The following UBE2E2 variants were observed in gnomAD, a reference collection of about 807,000 sequenced individuals.
UBE2E2 encodes ubiquitin conjugating enzyme E2 E2.
A neutral mutation model predicts 24.7 loss-of-function variants in UBE2E2; 6 were observed. The observed-to-expected ratio is 0.24, with a 90% CI of 0.13 to 0.48. UBE2E2 has a LOEUF of 0.48. UBE2E2 is among the 20% of genes least tolerant of loss of function. The pLI is 0.99. For missense variants in UBE2E2, 169 were observed against 245.0 expected (o/e 0.69, Z 2.07); for synonymous variants, 104 against 83.6 (o/e 1.24, Z -1.33).
At position 23,546,460 on chromosome 3, in the gene UBE2E2, ATTTTTTTTTTTTTT is replaced by A. The variant is rs899923576; in HGVS notation, c.508+13775_508+13788del. ...AATTTCTGAAGTCAAGAACATTTAG[ATTTTTTTTTTTTTT>A]TTTTTTTTTTTTTTTGGATTCGGAG... On this transcript the variant is annotated intron_variant, in intron 5 of 5. Transcript: ENST00000396703. 7.8e-5 allele frequency among the ~76,000 whole-genome samples: 6 copies of A among 76,898 alleles called. No homozygotes were observed. In the South Asian group the frequency reaches 2.2e-3, roughly 28 times the overall value. 50.4% of individuals were successfully genotyped at this position (76,898 alleles called of 152,430 possible).
intron 4 of UBE2E2, among the ~76,000 whole-genome samples, chr3:23,499,990 G>A (rs941358086): frequency 6.6e-6 from 1 of 150,906 alleles, no homozygotes; most frequent in Non-Finnish European, 1.5e-5. Context: ...TTTGTTATAT[G>A]TTTTAATGTA....
At position 23,589,316 on chromosome 3, in the gene UBE2E2, A is replaced by C. The variant is rs558610045; in HGVS notation, c.509-418A>C. Among the ~76,000 whole-genome samples the C allele has an allele frequency of 3.2e-4, 49 of 152,020 alleles. No individual in the cohort carries two copies. The highest frequency in any genetic ancestry group is 1.1e-3 in the African/African-American group (45 of 41,476). ...ACACCTGTGGTCCCAGCTACTCAGG[A>C]GGCTGAGGCAGGAGGAGGATTGCTT... On this transcript the variant is annotated intron_variant, in intron 5 of 5. Transcript: ENST00000396703. The surrounding 1 kb of genome is among the most constrained non-coding windows in gnomAD (Gnocchi z 4.1).
chr3:23,559,176 G>A (rs1410762139), intron 5 of UBE2E2, among the ~76,000 whole-genome samples: 2 of 152,118 alleles, frequency 1.3e-5, no homozygotes, highest in Admixed American at 1.3e-4. Context: ...TATCCCTAGA[G>A]AAATAATTCC....
intron 3 of UBE2E2, among the ~76,000 whole-genome samples, chr3:23,328,744 C>T (rs1025255539): frequency 6.6e-5 from 10 of 151,988 alleles, no homozygotes; most frequent in African/African-American, 2.2e-4. Context: ...TCATTGCAAC[C>T]TCTGCCTCCT....
rs1559445377 is a variant in UBE2E2, at chr3:23,223,027, T to TCCC, written c.227+5715_227+5716insCCC. Among the ~76,000 whole-genome samples, 291 of 40,252 alleles carry TCCC rather than the reference T, an allele frequency of 7.2e-3. 7 individuals carry two copies. The highest frequency in any genetic ancestry group is 0.018 in the African/African-American group (281 of 15,828). The allele number at this position is 40,252 out of a possible 152,430, so 26.4% of individuals were successfully genotyped here. A position where few individuals can be genotyped will look rare whatever the true frequency, so the allele number is the denominator to read the frequency against. ...TTTACATCTTTTGCCCCCCCCCCCT[T>TCCC]TTTTTTTTTTTTTGAGTTGTCTCTC... On this transcript the variant is annotated intron_variant, in intron 3 of 5. Transcript: ENST00000396703.
At chr3:23,279,249 T>TA (rs1698436211) in intron 3 of UBE2E2, among the ~76,000 whole-genome samples, 1 of 151,958 alleles carries the variant, frequency 6.6e-6, no homozygotes, top group South Asian at 2.1e-4. Flanking sequence ...TTCAGTATGT[T>TA]AAAAAATGAA....
At chr3:23,425,461 A>T (rs1350344865) in intron 3 of UBE2E2, among the ~76,000 whole-genome samples, 1 of 152,230 alleles carries the variant, frequency 6.6e-6, no homozygotes, top group Non-Finnish European at 1.5e-5. Flanking sequence ...GGAGCTTAGA[A>T]GTCATTACGT....
rs778807607 is a variant in UBE2E2, at chr3:23,499,561, C to T, written c.228-47C>T. 4 of 1,572,568 alleles carry T rather than the reference C, an allele frequency of 2.5e-6. No homozygotes were observed. In the Admixed American group the frequency reaches 7.7e-5, roughly 30 times the overall value. On this transcript the variant is annotated intron_variant, in intron 3 of 5. Coordinates refer to ENST00000396703, the MANE Select transcript of UBE2E2 (RefSeq NM_152653.4). ...ATAAATAGATTTTGTTAAATTCCAG[C>T]CTTTATGTAATTTCTAAGCACATTT... is the stretch of plus-strand genomic sequence containing the variant.
At chr3:23,486,782 T>C (rs1699381876) in intron 3 of UBE2E2, among the ~76,000 whole-genome samples, 1 of 152,154 alleles carries the variant, frequency 6.6e-6, no homozygotes, top group South Asian at 2.1e-4. Flanking sequence ...TTGCTCAGAA[T>C]GGAGGAAGTA....
chr3:23,285,734 G>A (rs1455964236), intron 3 of UBE2E2, among the ~76,000 whole-genome samples: 1 of 152,068 alleles, frequency 6.6e-6, no homozygotes, highest in African/African-American at 2.4e-5. Flanking sequence ...TTGAGACATA[G>A]CTTTGTCATC....
intron 3 of UBE2E2, among the ~76,000 whole-genome samples, chr3:23,267,496 C>A (rs1422686211): frequency 6.6e-6 from 1 of 152,188 alleles, no homozygotes; most frequent in South Asian, 2.1e-4. Context: ...CATCCCAAGA[C>A]TAAACCAGGA....
intron 3 of UBE2E2, among the ~76,000 whole-genome samples, chr3:23,356,105 T>A (rs1472520026): frequency 1.3e-5 from 2 of 152,210 alleles, no homozygotes; most frequent in Non-Finnish European, 2.9e-5. Flanking sequence ...GTAGACCTGA[T>A]GCTCAGTTAA....
At chr3:23,232,759 T>G (rs776335431) in intron 3 of UBE2E2, among the ~76,000 whole-genome samples, 2 of 152,232 alleles carry the variant, frequency 1.3e-5, no homozygotes, top group Non-Finnish European at 2.9e-5. Flanking sequence ...ATTGTTTCAT[T>G]TATAATCGAT....
chr3:23,396,031 C>T (rs1054525645), intron 3 of UBE2E2, among the ~76,000 whole-genome samples: 1 of 151,968 alleles, frequency 6.6e-6, no homozygotes, highest in South Asian at 2.1e-4. Context: ...AATGCGTCTT[C>T]AAATTAATCA....
intron 3 of UBE2E2, among the ~76,000 whole-genome samples, chr3:23,363,067 G>A (rs1324259864): frequency 6.6e-6 from 1 of 152,182 alleles, no homozygotes; most frequent in Admixed American, 6.5e-5. Flanking sequence ...AAGAGAAGGA[G>A]AAATAAGATC....
At chr3:23,281,849 G>A (rs184149919) in intron 3 of UBE2E2, among the ~76,000 whole-genome samples, 23 of 152,264 alleles carry the variant, frequency 1.5e-4, no homozygotes, top group Admixed American at 1.4e-3. Context: ...TATTGAAGAG[G>A]ATGTATGCCA....
intron 3 of UBE2E2, among the ~76,000 whole-genome samples, chr3:23,261,942 G>A (rs1302271907): frequency 6.6e-6 from 1 of 152,186 alleles, no homozygotes; most frequent in Non-Finnish European, 1.5e-5. Context: ...AACATGGAGT[G>A]CAGTTATCTC....
At chr3:23,308,933 G>A (rs762247267) in intron 3 of UBE2E2, among the ~76,000 whole-genome samples, 1 of 152,208 alleles carries the variant, frequency 6.6e-6, no homozygotes, top group African/African-American at 2.4e-5. Flanking sequence ...TCCAAAGGCT[G>A]AAGAACCTGG....
At chr3:23,335,273 C>T (rs1245312541) in intron 3 of UBE2E2, among the ~76,000 whole-genome samples, 1 of 151,872 alleles carries the variant, frequency 6.6e-6, no homozygotes, top group African/African-American at 2.4e-5. Flanking sequence ...ATGGTAAAGA[C>T]GAAGAAAAAA....
Sources: allele counts gnomAD v4.1 joint callset (sites outside exome capture counted in the v4.1 genomes callset), GRCh38; gene constraint gnomAD v4.1.1; non-coding constraint Gnocchi (gnomAD v3.1); transcripts MANE v1.5; gene names NCBI Gene and HGNC (gene_info 2026-07-23, HGNC 2026-07-21).